The following ANKS1B variants were observed in gnomAD, a reference collection of about 807,000 sequenced individuals.
The protein encoded by ANKS1B is ankyrin repeat and sterile alpha motif domain-containing protein 1B.
In ANKS1B, 36 loss-of-function variants were observed where a neutral mutation model predicts 148.3. The observed-to-expected ratio is 0.24, with a 90% CI of 0.19 to 0.32. The LOEUF (loss-of-function observed/expected upper bound fraction) is 0.32. Among genes scored for constraint, ANKS1B ranks in the 10% least tolerant of loss-of-function variants. The pLI is 1.00. For synonymous variants in ANKS1B, 542 were observed against 560.8 expected (o/e 0.97, Z 0.47); for missense variants, 1,157 against 1,542.6 (o/e 0.75, Z 4.19).
At chr12:99,141,856 T>C (rs2070940007) in intron 15 of ANKS1B, among the ~76,000 whole-genome samples, 1 of 152,120 alleles carries the variant, frequency 6.6e-6, no homozygotes, top group African/African-American at 2.4e-5. Context: ...TGATTCTCAT[T>C]TGATCTCTCA....
chr12:99,552,197 G>C lies in ANKS1B; in HGVS notation c.1273-47556C>G, dbSNP rs2097226495. Among the ~76,000 whole-genome samples the C allele has an allele frequency of 3.3e-5, 5 of 152,024 alleles. 1 individual carries two copies. The highest frequency in any genetic ancestry group is 3.3e-4 in the Admixed American group (5 of 15,256). The stretch of plus-strand genomic sequence containing the variant: ...ACACATTCTTGCAGAATCCTACACT[G>C]ATCACAATTATAATGAAATGATTGT... On this transcript the variant is annotated intron_variant, in intron 9 of 26. Transcript: ENST00000683438.
intron 1 of ANKS1B, among the ~76,000 whole-genome samples, chr12:99,971,971 A>T (rs564649698): frequency 1.8e-4 from 28 of 152,330 alleles, no homozygotes; most frequent in Middle Eastern, 3.4e-3. Flanking sequence ...CAATTAGGCC[A>T]ATGTGCTCAG....
chr12:98,743,295 A>T (rs767772515), downstream of ANKS1B, among the ~76,000 whole-genome samples: 15 of 152,212 alleles, frequency 9.9e-5, no homozygotes, highest in Non-Finnish European at 1.9e-4. Context: ...AATCATTTCC[A>T]TGACTTATTA....
At chr12:99,945,836 T>C (rs982861512) in intron 1 of ANKS1B, among the ~76,000 whole-genome samples, 9 of 152,182 alleles carry the variant, frequency 5.9e-5, no homozygotes, top group African/African-American at 2.2e-4. Context: ...TCATAACTGA[T>C]GTTCACCAAT....
At chr12:99,010,544 TG>T (rs1568344073) in intron 17 of ANKS1B, among the ~76,000 whole-genome samples, 1 of 152,160 alleles carries the variant, frequency 6.6e-6, no homozygotes, top group African/African-American at 2.4e-5. Flanking sequence ...CACATATTGA[TG>T]AAATAGGTAT....
intron 15 of ANKS1B, among the ~76,000 whole-genome samples, chr12:99,135,596 TC>T (rs1394448249): frequency 6.6e-5 from 10 of 152,158 alleles, no homozygotes; most frequent in Non-Finnish European, 1.5e-4. Context: ...AGCATTGTCT[TC>T]CATACTCAGA....
At chr12:99,229,760 A>T (rs1312193087) in intron 14 of ANKS1B, among the ~76,000 whole-genome samples, 2 of 152,014 alleles carry the variant, frequency 1.3e-5, no homozygotes, top group African/African-American at 4.8e-5. Flanking sequence ...TGCCGGTATG[A>T]GGTCACTAAT....
chr12:99,766,715 G>A lies in ANKS1B; in HGVS notation c.1128+6207C>T, dbSNP rs1003876391. On this transcript the variant is annotated intron_variant, in intron 8 of 26. Coordinates refer to ENST00000683438, the MANE Select transcript of ANKS1B (RefSeq NM_001352186.2). ...AGGTTAGAATGTTCTTTTGAACATT[G>A]TATACCACTGCTTAAGATTTAGCAC... Among the ~76,000 whole-genome samples, 12 of 152,100 alleles carry A rather than the reference G, an allele frequency of 7.9e-5. 1 individual carries two copies. The South Asian group carries it at 1.7e-3, about 21-fold the overall frequency.
At chr12:99,970,996 C>T (rs981016025) in intron 1 of ANKS1B, among the ~76,000 whole-genome samples, 2 of 152,118 alleles carry the variant, frequency 1.3e-5, no homozygotes, top group African/African-American at 2.4e-5. Context: ...ACAAAGTACT[C>T]AGCAAATACT....
chr12:99,010,292 T>C (rs2099938547), intron 17 of ANKS1B, among the ~76,000 whole-genome samples: 1 of 152,232 alleles, frequency 6.6e-6, no homozygotes, highest in Non-Finnish European at 1.5e-5. Flanking sequence ...AGGAGTAATA[T>C]TGGTCCCTGC....
chr12:99,675,054 A>C (rs2098555888), intron 8 of ANKS1B, among the ~76,000 whole-genome samples: 1 of 151,976 alleles, frequency 6.6e-6, no homozygotes. Flanking sequence ...AATAGCAAGG[A>C]GATAACATGT....
intron 14 of ANKS1B, among the ~76,000 whole-genome samples, chr12:99,232,882 A>G (rs765615958): frequency 2.6e-5 from 4 of 152,126 alleles, no homozygotes; most frequent in Non-Finnish European, 5.9e-5. Context: ...AATTATATTT[A>G]TGAATTACCA....
At position 98,829,858 on chromosome 12, in the gene ANKS1B, C is replaced by T. The variant is rs2099280836; in HGVS notation, c.2887-505G>A. On this transcript the variant is annotated intron_variant, in intron 18 of 26. Transcript: ENST00000683438. This position sits in a 1 kb window ranked among gnomAD's most constrained non-coding sequence, Gnocchi z 5.2. ...GACTGCAGAGCAGTGCATGCTACGA[C>T]AGAGGATGCTTTTCCAAGGCAAAGA... 6.6e-6 allele frequency among the ~76,000 whole-genome samples: 1 copy of T among 152,170 alleles called. No individual in the cohort carries two copies. The highest frequency in any genetic ancestry group is 6.5e-5 in the Admixed American group (1 of 15,282).
At chr12:99,623,544 G>C (rs1192234396) in intron 9 of ANKS1B, among the ~76,000 whole-genome samples, 1 of 151,894 alleles carries the variant, frequency 6.6e-6, no homozygotes, top group East Asian at 1.9e-4. Flanking sequence ...ATAAACGGCT[G>C]ACAAAGTTTC....
chr12:98,932,434 A>T (rs1263818439), intron 17 of ANKS1B, among the ~76,000 whole-genome samples: 1 of 152,202 alleles, frequency 6.6e-6, no homozygotes. Flanking sequence ...TTGCAAAACA[A>T]GTTTTGTGTT....
intron 22 of ANKS1B, among the ~76,000 whole-genome samples, chr12:98,798,198 C>T (rs991755562): frequency 7.9e-5 from 12 of 150,980 alleles, no homozygotes; most frequent in Non-Finnish European, 1.8e-4. Context: ...TCTCAGCTCA[C>T]TGCAAGCTCT....
intron 9 of ANKS1B, among the ~76,000 whole-genome samples, chr12:99,641,587 C>T (rs12320781): frequency 0.013 from 1,921 of 152,168 alleles, 36 homozygotes; most frequent in African/African-American, 0.044. Flanking sequence ...GGAAGAGATT[C>T]TAAATGAACT....
At chr12:98,890,392 C>A (rs2099749828) in intron 17 of ANKS1B, among the ~76,000 whole-genome samples, 1 of 151,966 alleles carries the variant, frequency 6.6e-6, no homozygotes, top group Non-Finnish European at 1.5e-5. Flanking sequence ...TATTTTCATA[C>A]TAAGTTGACA....
chr12:99,390,410 G>A (rs71462276), intron 12 of ANKS1B, among the ~76,000 whole-genome samples: 4,085 of 152,156 alleles, frequency 0.027, 98 homozygotes, highest in Middle Eastern at 0.048. Context: ...TCAGAATGAC[G>A]TATGAAGATC....
Sources: gnomAD v4.1 joint callset for allele counts (sites outside exome capture counted in the v4.1 genomes callset) on GRCh38, gnomAD v4.1.1 for gene constraint, Gnocchi (gnomAD v3.1) non-coding constraint, MANE v1.5 for transcripts, NCBI Gene and HGNC (gene_info 2026-07-23, HGNC 2026-07-21) for gene names.